GLRB: variants seen among roughly 807,000 people sequenced by gnomAD.
GLRB encodes the protein glycine receptor subunit beta.
In GLRB, 33 loss-of-function variants were observed where a neutral mutation model predicts 54.2. That is an observed-to-expected ratio of 0.61 (90% confidence interval 0.46 to 0.81). The LOEUF (loss-of-function observed/expected upper bound fraction) is 0.81. GLRB is among the 40% of genes least tolerant of loss of function. GLRB has a pLI of 0.00. For missense variants in GLRB, 572 were observed against 584.6 expected (o/e 0.98, Z 0.22); for synonymous variants, 209 against 208.2 (o/e 1.00, Z -0.03).
intron 2 of GLRB, among the ~76,000 whole-genome samples, chr4:157,088,936 A>G (rs1214432847): frequency 6.6e-6 from 1 of 152,176 alleles, no homozygotes; most frequent in Non-Finnish European, 1.5e-5. Context: ...GTAGGATAAA[A>G]TGGCCTATAC....
rs1260367520 is a variant in GLRB at position 157,138,932 on chromosome 4, A to C, written c.734A>C (p.Lys245Thr). ...GATATTGAATATGGTAACTGTACAAAATACTATAAAGGCACGGGTAAGTAA... is the reference window on the plus strand; with the variant it reads ...GATATTGAATATGGTAACTGTACAACATACTATAAAGGCACGGGTAAGTAA... ...KEDIEYGNCT[K>T]YYKGTGYYTC... The change falls in exon 7 of 10, where the codon AAA becomes ACA. Residue 245 changes from lysine to threonine, a missense_variant. Physicochemically the swap from Lys to Thr is moderately conservative, Grantham distance 78. Transcript: ENST00000264428. 1 of 1,454,026 alleles carries C rather than the reference A, an allele frequency of 6.9e-7. No individual in the cohort carries two copies. The highest frequency in any genetic ancestry group is 9.7e-7 in the Non-Finnish European group (1 of 1,035,952). 90.1% of individuals were successfully genotyped at this position (1,454,026 alleles called of 1,614,324 possible). A position where few individuals can be genotyped will look rare whatever the true frequency, so the allele number is the denominator to read the frequency against.
rs879849085 is a variant in GLRB, at chr4:157,136,666, T to A, written c.495T>A (p.Ile165=). Residue 165 remains isoleucine (I), a synonymous_variant, in exon 5 of 10, where the codon ATT becomes ATA. Transcript: ENST00000264428. ...CCCAGGAAAACATCCTCCTCTTTAT[T>A]TTTCGTGATGGAGATGTCCTTGTCA... ...DVTQENILLF[I]FRDGDVLVSM... 1.9e-6 allele frequency: 3 copies of A among 1,611,246 alleles called. No homozygotes were observed. Among genetic ancestry groups the A allele is most frequent in the Middle Eastern group, 3.3e-4 (2 of 6,050 alleles).
chr4:157,167,082 A>G (rs559651646), intron 9 of GLRB, among the ~76,000 whole-genome samples: 1 of 152,150 alleles, frequency 6.6e-6, no homozygotes, highest in Non-Finnish European at 1.5e-5. Flanking sequence ...TTCTAAATAT[A>G]CTTGGTTTTA....
chr4:157,168,229 A>T (rs780888368), intron 9 of GLRB, among the ~76,000 whole-genome samples: 1 of 151,998 alleles, frequency 6.6e-6, no homozygotes, highest in African/African-American at 2.4e-5. Context: ...TTTCACACTC[A>T]GTTGAGCTCT....
chr4:157,162,124 G>C (rs1015688068), intron 9 of GLRB, among the ~76,000 whole-genome samples: 1 of 152,012 alleles, frequency 6.6e-6, no homozygotes, highest in Non-Finnish European at 1.5e-5. Flanking sequence ...TGATCAAATC[G>C]GCGACTGAAG....
chr4:157,087,816 T>C (rs983018778), intron 2 of GLRB, among the ~76,000 whole-genome samples: 2 of 152,068 alleles, frequency 1.3e-5, no homozygotes, highest in African/African-American at 4.8e-5. Flanking sequence ...GGCAAATAAT[T>C]TCTGTAATAC....
chr4:157,087,518 A>G (rs973476620), intron 2 of GLRB, among the ~76,000 whole-genome samples: 1 of 152,130 alleles, frequency 6.6e-6, no homozygotes, highest in Non-Finnish European at 1.5e-5. Context: ...CTTTATAATC[A>G]GGGTTAACTA....
chr4:157,123,236 T>C (rs1735898114), intron 4 of GLRB, among the ~76,000 whole-genome samples: 1 of 151,766 alleles, frequency 6.6e-6, no homozygotes, highest in Non-Finnish European at 1.5e-5. Flanking sequence ...GAGACACTTT[T>C]ATTTTATTAA....
At chr4:157,147,893 G>A (rs1736875568) in intron 8 of GLRB, among the ~76,000 whole-genome samples, 1 of 152,194 alleles carries the variant, frequency 6.6e-6, no homozygotes. Context: ...GCTCTTACCT[G>A]TTCTATGGTA....
chr4:157,080,441 G>A (rs1455284268), intron 2 of GLRB, among the ~76,000 whole-genome samples: 1 of 152,150 alleles, frequency 6.6e-6, no homozygotes, highest in East Asian at 1.9e-4. Context: ...GAGAGTTAGA[G>A]TTGTATATTT....
chr4:157,171,644 A>G lies in GLRB; in HGVS notation c.*916A>G, dbSNP rs756187529. ...TTGAAAAAGAAATCCATAACTATTAAAAGATTTTAACTTTTTTATTTTATT... is the reference window on the plus strand; with the variant it reads ...TTGAAAAAGAAATCCATAACTATTAGAAGATTTTAACTTTTTTATTTTATT... On this transcript the variant is annotated 3_prime_UTR_variant, in exon 10 of 10. Transcript: ENST00000264428. 6.6e-6 allele frequency: 1 copy of G among 152,360 alleles called. No homozygotes were observed. The highest frequency in any genetic ancestry group is 1.5e-5 in the Non-Finnish European group (1 of 67,814). The allele number at this position is 152,360 out of a possible 1,614,324, so 9.4% of individuals were successfully genotyped here. A position where few individuals can be genotyped will look rare whatever the true frequency, so the allele number is the denominator to read the frequency against.
intron 8 of GLRB, among the ~76,000 whole-genome samples, chr4:157,147,817 A>G (rs1278902155): frequency 1.3e-5 from 2 of 152,210 alleles, no homozygotes; most frequent in African/African-American, 4.8e-5. Flanking sequence ...GTTGACTTCA[A>G]CAAAGTCAAT....
At chr4:157,095,409 T>C (rs1734772987) in intron 2 of GLRB, among the ~76,000 whole-genome samples, 1 of 151,982 alleles carries the variant, frequency 6.6e-6, no homozygotes, top group South Asian at 2.1e-4. Flanking sequence ...TCTGGATGTG[T>C]TAAGTTTGAG....
At chr4:157,160,320 G>T (rs1737428698) in intron 9 of GLRB, among the ~76,000 whole-genome samples, 1 of 151,626 alleles carries the variant, frequency 6.6e-6, no homozygotes, top group African/African-American at 2.4e-5. Context: ...GGCTTTTTGT[G>T]CCTCTGTCTC....
chr4:157,147,057 C>T (rs999221107), intron 8 of GLRB, among the ~76,000 whole-genome samples: 3 of 152,204 alleles, frequency 2.0e-5, no homozygotes, highest in African/African-American at 7.2e-5. Flanking sequence ...GCTTTAGACA[C>T]GTTAAGGTTC....
intron 2 of GLRB, among the ~76,000 whole-genome samples, chr4:157,083,898 T>C (rs1734314784): frequency 6.6e-6 from 1 of 152,160 alleles, no homozygotes; most frequent in Non-Finnish European, 1.5e-5. Flanking sequence ...AGAAGAAATA[T>C]GTCAAGCTAC....
At chr4:157,076,974 G>GA (rs1362088602) in intron 1 of GLRB, among the ~76,000 whole-genome samples, 1 of 45,440 alleles carries the variant, frequency 2.2e-5, no homozygotes, top group Admixed American at 2.1e-4. Flanking sequence ...AAGAATCCTG[G>GA]GGGGGGGGGG....
chr4:157,078,184 T>C (rs1440565549), intron 2 of GLRB, 38 bp downstream of exon 2: 3 of 1,607,998 alleles, frequency 1.9e-6, no homozygotes, highest in Non-Finnish European at 2.6e-6. Flanking sequence ...TATGGAGAAA[T>C]GTTATTGCGT....
At chr4:157,126,431 GT>G (rs1458356349) in intron 4 of GLRB, among the ~76,000 whole-genome samples, 2 of 151,478 alleles carry the variant, frequency 1.3e-5, no homozygotes, top group Admixed American at 6.6e-5. Context: ...TCATGTCTGT[GT>G]GCTCATTTGT....
Sources: gnomAD v4.1 joint callset for allele counts (sites outside exome capture counted in the v4.1 genomes callset) on GRCh38, gnomAD v4.1.1 for gene constraint, MANE v1.5 for transcripts, NCBI Gene and HGNC (gene_info 2026-07-23, HGNC 2026-07-21) for gene names.